The following PLEKHA5 variants were observed in gnomAD, a reference collection of about 807,000 sequenced individuals.
The protein encoded by PLEKHA5 is pleckstrin homology domain-containing family A member 5.
Under a neutral mutation model 181.9 loss-of-function variants are expected in PLEKHA5, and 55 were observed. The ratio of observed to expected loss-of-function variants is 0.30; its 90% CI spans 0.24 to 0.38. PLEKHA5 has a LOEUF of 0.38. PLEKHA5 is among the 10% of genes least tolerant of loss of function. The pLI, the probability that PLEKHA5 is intolerant of heterozygous loss-of-function variation, is 1.00. For synonymous variants in PLEKHA5, 535 were observed against 529.4 expected, an observed-to-expected ratio of 1.01 and a Z score of -0.15; for missense variants, 1,432 against 1,549.5, an observed-to-expected ratio of 0.92 and a Z score of 1.27.
intron 26 of PLEKHA5, 92 bp from the exon 27 acceptor site, chr12:19,358,136 A>G: frequency 1.2e-6 from 1 of 847,926 alleles, no homozygotes; most frequent in Non-Finnish European, 1.8e-6. Flanking sequence ...TTGAAAACAA[A>G]ATAAATAAAT....
intron 29 of PLEKHA5, among the ~76,000 whole-genome samples, chr12:19,362,058 A>G (rs909334514): frequency 1.3e-5 from 2 of 148,728 alleles, no homozygotes; most frequent in African/African-American, 5.0e-5. Flanking sequence ...CCTAGTCTGT[A>G]CTCGGAGGCT....
chr12:19,312,548 A>C lies in PLEKHA5; in HGVS notation c.2038-2266A>C, dbSNP rs185430463. On this transcript the variant is annotated intron_variant, in intron 15 of 31. Transcript: ENST00000429027. Reference sequence around the variant, plus strand: ...TTATGGAGATGGCTTCTTTCCATAAACCTCATGAACCAAACTGCCAGCTTC... The same window carrying C: ...TTATGGAGATGGCTTCTTTCCATAACCCTCATGAACCAAACTGCCAGCTTC... 1.2e-3 allele frequency among the ~76,000 whole-genome samples: 185 copies of C among 152,280 alleles called. 1 individual carries two copies. Among genetic ancestry groups the C allele is most frequent in the African/African-American group, 4.2e-3 (175 of 41,552 alleles).
At chr12:19,269,907 G>A in intron 9 of PLEKHA5, 22 bp downstream of exon 9, 1 of 1,252,544 alleles carries the variant, frequency 8.0e-7, no homozygotes, top group South Asian at 1.2e-5. Context: ...TAGAAAAAAT[G>A]ATGGTGATTT....
At chr12:19,360,307 A>G (rs945133791) in intron 28 of PLEKHA5, among the ~76,000 whole-genome samples, 1 of 151,924 alleles carries the variant, frequency 6.6e-6, no homozygotes. Context: ...TGTTTCAAAA[A>G]AAAAAACAAA....
At chr12:19,191,906 C>T (rs1363619955) in intron 3 of PLEKHA5, among the ~76,000 whole-genome samples, 2 of 152,054 alleles carry the variant, frequency 1.3e-5, no homozygotes, top group African/African-American at 2.4e-5. Context: ...AGGTAGAAGC[C>T]GCACTGCCAT....
chr12:19,354,519 C>A (rs543581464), intron 26 of PLEKHA5, among the ~76,000 whole-genome samples: 2 of 144,746 alleles, frequency 1.4e-5, no homozygotes, highest in Non-Finnish European at 3.0e-5. Context: ...CTCGCTCTCT[C>A]GCCTGGGCTG....
At chr12:19,232,553 G>C (rs1184394867) in intron 3 of PLEKHA5, among the ~76,000 whole-genome samples, 1 of 152,232 alleles carries the variant, frequency 6.6e-6, no homozygotes, top group African/African-American at 2.4e-5. Context: ...AAATTAAACA[G>C]TTCTGAATCC....
At chr12:19,175,260 A>C (rs537780825) in intron 3 of PLEKHA5, among the ~76,000 whole-genome samples, 5 of 152,340 alleles carry the variant, frequency 3.3e-5, no homozygotes, top group Non-Finnish European at 7.4e-5. Flanking sequence ...CTGGAGATTT[A>C]TCCTGCAAAT....
intron 13 of PLEKHA5, among the ~76,000 whole-genome samples, chr12:19,290,351 T>C (rs1439650241): frequency 6.6e-6 from 1 of 152,192 alleles, no homozygotes. Context: ...TTTTAATAAT[T>C]TTTTAGTAGC....
chr12:19,139,667 T>C (rs2036720731), intron 3 of PLEKHA5, among the ~76,000 whole-genome samples: 1 of 152,240 alleles, frequency 6.6e-6, no homozygotes, highest in Non-Finnish European at 1.5e-5. Flanking sequence ...TAGACTGTGA[T>C]AAATGCTATG....
intron 15 of PLEKHA5, among the ~76,000 whole-genome samples, chr12:19,297,918 T>C (rs1339237628): frequency 6.6e-6 from 1 of 151,542 alleles, no homozygotes; most frequent in Non-Finnish European, 1.5e-5. Context: ...AAGAAAATCT[T>C]TTTTGGGCTG....
intron 5 of PLEKHA5, 41 bp from the exon 6 acceptor site, chr12:19,257,392 C>CTTA (rs767721971): frequency 2.2e-6 from 2 of 914,704 alleles, no homozygotes; most frequent in South Asian, 2.9e-5. Flanking sequence ...AATCTCTAGG[C>CTTA]ATTAATACCA....
chr12:19,336,185 G>T (rs2093413633), intron 20 of PLEKHA5, among the ~76,000 whole-genome samples: 1 of 152,162 alleles, frequency 6.6e-6, no homozygotes, highest in African/African-American at 2.4e-5. Flanking sequence ...GTAAAGTCAT[G>T]TCAAGCCTCT....
intron 3 of PLEKHA5, among the ~76,000 whole-genome samples, chr12:19,158,676 G>A (rs1370402843): frequency 6.6e-6 from 1 of 152,060 alleles, no homozygotes; most frequent in African/African-American, 2.4e-5. Context: ...GATTTCTGTG[G>A]CTATAGTAGA....
chr12:19,212,556 C>T (rs1237467151), intron 3 of PLEKHA5, among the ~76,000 whole-genome samples: 2 of 151,808 alleles, frequency 1.3e-5, no homozygotes, highest in Non-Finnish European at 2.9e-5. Context: ...TGGCGGGTGC[C>T]TGTAATCCCA....
At chr12:19,260,297 T>C (rs1332199318) in intron 6 of PLEKHA5, among the ~76,000 whole-genome samples, 2 of 152,200 alleles carry the variant, frequency 1.3e-5, no homozygotes, top group African/African-American at 2.4e-5. Flanking sequence ...TTAAATCTGG[T>C]TTACCAGAAC....
intron 3 of PLEKHA5, among the ~76,000 whole-genome samples, chr12:19,155,769 G>A (rs953574872): frequency 6.6e-6 from 1 of 152,162 alleles, no homozygotes; most frequent in Non-Finnish European, 1.5e-5. Flanking sequence ...AACACATGGG[G>A]AAGAAGAGTG....
intron 15 of PLEKHA5, among the ~76,000 whole-genome samples, chr12:19,302,906 A>ATTTTTTTTTTTTTTTTTTTTTT (rs34702332): frequency 1.9e-5 from 1 of 53,966 alleles, no homozygotes; most frequent in Non-Finnish European, 3.2e-5. Context: ...TCTGTATGAA[A>ATTTTTTTTTTTTTTTTTTTTTT]TTTTTTTTTT....
chr12:19,374,882 G>C (rs893525525), intron 31 of PLEKHA5, among the ~76,000 whole-genome samples: 3 of 151,904 alleles, frequency 2.0e-5, no homozygotes, highest in African/African-American at 7.3e-5. Flanking sequence ...TGGAACCCAG[G>C]AGGCAGAGGT....
Sources: allele counts gnomAD v4.1 joint callset (sites outside exome capture counted in the v4.1 genomes callset), GRCh38; gene constraint gnomAD v4.1.1; transcripts MANE v1.5; gene names NCBI Gene and HGNC (gene_info 2026-07-23, HGNC 2026-07-21).